MAD1L1: variants seen among roughly 807,000 people sequenced by gnomAD.
MAD1L1 encodes the protein mitotic spindle assembly checkpoint protein MAD1.
In MAD1L1, 95 loss-of-function variants were observed where a neutral mutation model predicts 96.9. The ratio of observed to expected loss-of-function variants is 0.98; its 90% CI spans 0.83 to 1.16. The LOEUF (loss-of-function observed/expected upper bound fraction) is 1.16, where lower values mean the gene tolerates loss of function less well. Among genes scored for constraint, MAD1L1 ranks in the 50% most tolerant of loss-of-function variants. The pLI, the probability that MAD1L1 is intolerant of heterozygous loss-of-function variation, is 0.00. For missense variants in MAD1L1, 1,007 were observed against 954.4 expected (o/e 1.06, Z -0.73); for synonymous variants, 473 against 396.6 (o/e 1.19, Z -2.29).
At chr7:1,917,436 T>C (rs1788480053) in intron 17 of MAD1L1, among the ~76,000 whole-genome samples, 1 of 152,026 alleles carries the variant, frequency 6.6e-6, no homozygotes, top group South Asian at 2.1e-4. Context: ...GCACCTCCCC[T>C]CCAGACAGCC....
At position 2,180,272 on chromosome 7, in the gene MAD1L1, A is replaced by T. The variant is rs558562343; in HGVS notation, c.987-31034T>A. Among the ~76,000 whole-genome samples the T allele has an allele frequency of 3.3e-5, 5 of 152,334 alleles. No homozygotes were observed. In the South Asian group the frequency reaches 1.0e-3, roughly 32 times the overall value. ...TCCTGCTCACCTTGAAGCTCTGAGC[A>T]AGCAGGAAATGAGGGCAAAGGCAGA... On this transcript the variant is annotated intron_variant, in intron 10 of 18. Coordinates refer to ENST00000265854, the MANE Select transcript of MAD1L1 (RefSeq NM_001013836.2).
chr7:1,815,885 A>T lies in MAD1L1; in HGVS notation c.*185T>A. The T allele has an allele frequency of 1.6e-6, 1 of 644,904 alleles. No individual in the cohort carries two copies. Among genetic ancestry groups the T allele is most frequent in the Non-Finnish European group, 2.6e-6 (1 of 382,966 alleles). 39.9% of individuals were successfully genotyped at this position (644,904 alleles called of 1,614,324 possible). A position where few individuals can be genotyped will look rare whatever the true frequency, so the allele number is the denominator to read the frequency against. ...AGGCTCCGGGACGCATGGGGTCTGC[A>T]CGTGGAGAGGGTGCTGGCCGCCCCA... On this transcript the variant is annotated 3_prime_UTR_variant, in exon 19 of 19. Coordinates refer to ENST00000265854, the MANE Select transcript of MAD1L1 (RefSeq NM_001013836.2).
intron 12 of MAD1L1, among the ~76,000 whole-genome samples, chr7:2,018,950 C>T (rs1562612206): frequency 6.6e-6 from 1 of 152,206 alleles, no homozygotes. Flanking sequence ...CTCCACCCAA[C>T]TCTGAGTCAC....
At chr7:1,865,866 T>C (rs1784754502) in intron 18 of MAD1L1, among the ~76,000 whole-genome samples, 1 of 152,188 alleles carries the variant, frequency 6.6e-6, no homozygotes, top group African/African-American at 2.4e-5. Context: ...GCTTCGGGGC[T>C]CCACGAGCCA....
At chr7:1,947,884 C>T (rs1779304074) in intron 16 of MAD1L1, among the ~76,000 whole-genome samples, 1 of 152,196 alleles carries the variant, frequency 6.6e-6, no homozygotes, top group South Asian at 2.1e-4. Context: ...GGCCGTGTCC[C>T]ACCTATTCCA....
intron 1 of MAD1L1, among the ~76,000 whole-genome samples, chr7:2,231,674 G>C (rs1794197109): frequency 6.6e-6 from 1 of 152,080 alleles, no homozygotes; most frequent in African/African-American, 2.4e-5. Flanking sequence ...GCATGCAACA[G>C]TGACAGTAAA....
chr7:1,874,119 C>A (rs1785250419), intron 18 of MAD1L1, among the ~76,000 whole-genome samples: 1 of 152,220 alleles, frequency 6.6e-6, no homozygotes, highest in Non-Finnish European at 1.5e-5. Flanking sequence ...GGCTCTCCAT[C>A]TGCACCGGAG....
intron 10 of MAD1L1, among the ~76,000 whole-genome samples, chr7:2,155,577 G>C (rs1789791035): frequency 6.6e-6 from 1 of 152,142 alleles, no homozygotes; most frequent in African/African-American, 2.4e-5. Context: ...CTCTGTGACG[G>C]GCTCACTCTA....
Position 1,936,754 on chromosome 7 carries a change from T to A in MAD1L1, c.1740A>T (p.Arg580Ser). 1.3e-6 allele frequency: 2 copies of A among 1,569,782 alleles called. No homozygotes were observed. Among genetic ancestry groups the A allele is most frequent in the Non-Finnish European group, 1.7e-6 (2 of 1,158,748 alleles). The part of the protein sequence containing the change: ...RLRGLLRAME[R>S]GGTVPADLEA... ...CAAGGTCGGCTGGGACGGTGCCTCC[T>A]CTCTCCATGGCGCGCAGGAGCCCGC... Residue 580 changes from arginine to serine, a missense_variant, in exon 17 of 19, where the codon AGA becomes AGT. Physicochemically the swap from Arg to Ser is moderately radical, Grantham distance 110. Transcript: ENST00000265854.
chr7:1,857,613 A>G (rs537923633), intron 18 of MAD1L1, among the ~76,000 whole-genome samples: 125 of 152,294 alleles, frequency 8.2e-4, no homozygotes, highest in South Asian at 1.4e-3. Flanking sequence ...GAGCCCCTGG[A>G]CCAGGGCTGC....
At chr7:1,913,153 A>AT (rs1158172122) in intron 17 of MAD1L1, among the ~76,000 whole-genome samples, 1 of 152,184 alleles carries the variant, frequency 6.6e-6, no homozygotes, top group Non-Finnish European at 1.5e-5. Context: ...AAACCTGCTA[A>AT]TGTAGGCAGC....
At position 2,069,271 on chromosome 7, in the gene MAD1L1, A is replaced by G; in HGVS notation, c.1141T>C (p.Leu381=). The G allele has an allele frequency of 1.2e-6, 2 of 1,611,316 alleles. No individual in the cohort carries two copies. Reference sequence around the variant, plus strand: ...GTCTCGCGCTTCTTCCTCTCCTCCAACAGCTGGCCGCTGACCTGCCGGAGC... The same window carrying G: ...GTCTCGCGCTTCTTCCTCTCCTCCAGCAGCTGGCCGCTGACCTGCCGGAGC... ...EELRQVSGQL[L]EERKKRETHE... The change falls in exon 12 of 19, where the codon TTG becomes CTG. Residue 381 remains leucine, a synonymous_variant. Coordinates refer to ENST00000265854, the MANE Select transcript of MAD1L1 (RefSeq NM_001013836.2).
intron 1 of MAD1L1, 40 bp downstream of exon 1, chr7:2,232,832 A>AC (rs1368150538): frequency 1.3e-5 from 2 of 150,690 alleles, no homozygotes; most frequent in African/African-American, 4.9e-5. Context: ...GACCCCCGGG[A>AC]CCCCGGGACC....
chr7:2,040,493 G>A (rs749746900), intron 12 of MAD1L1, among the ~76,000 whole-genome samples: 3 of 152,166 alleles, frequency 2.0e-5, no homozygotes, highest in African/African-American at 4.8e-5. Context: ...AGTTCCTATC[G>A]GTCCATCTCT....
At chr7:2,027,859 A>G (rs996402487) in intron 12 of MAD1L1, among the ~76,000 whole-genome samples, 1 of 152,268 alleles carries the variant, frequency 6.6e-6, no homozygotes, top group African/African-American at 2.4e-5. Context: ...ATGCTAAGCC[A>G]CAGATAAGAA....
At chr7:1,910,650 T>A (rs547661874) in intron 17 of MAD1L1, among the ~76,000 whole-genome samples, 2 of 152,350 alleles carry the variant, frequency 1.3e-5, no homozygotes, top group African/African-American at 4.8e-5. Context: ...CTCACGAGCA[T>A]CTGAGATCGC....
intron 10 of MAD1L1, among the ~76,000 whole-genome samples, chr7:2,182,077 A>C (rs991980695): frequency 6.6e-6 from 1 of 152,180 alleles, no homozygotes; most frequent in Non-Finnish European, 1.5e-5. Flanking sequence ...CCACAACTAA[A>C]GAGCTTTTCC....
intron 18 of MAD1L1, among the ~76,000 whole-genome samples, chr7:1,817,717 G>A (rs1363141231): frequency 1.3e-5 from 2 of 152,142 alleles, no homozygotes; most frequent in African/African-American, 4.8e-5. Flanking sequence ...GCATGTGTGT[G>A]CATCGGAGCT....
chr7:1,855,797 C>T (rs1217153807), intron 18 of MAD1L1, among the ~76,000 whole-genome samples: 1 of 152,202 alleles, frequency 6.6e-6, no homozygotes, highest in African/African-American at 2.4e-5. Context: ...CAGCCTCTCC[C>T]ACTCCCCAGC....
Sources: allele counts gnomAD v4.1 joint callset (sites outside exome capture counted in the v4.1 genomes callset), GRCh38; gene constraint gnomAD v4.1.1; transcripts MANE v1.5; gene names NCBI Gene and HGNC (gene_info 2026-07-23, HGNC 2026-07-21).